The following ALDH1L1 variants were observed in gnomAD, a reference collection of about 807,000 sequenced individuals.
ALDH1L1 encodes aldehyde dehydrogenase 1 family member L1, also known as cytosolic 10-formyltetrahydrofolate dehydrogenase.
A neutral mutation model predicts 101.1 loss-of-function variants in ALDH1L1; 68 were observed. That is an observed-to-expected ratio of 0.67 (90% CI 0.55 to 0.82). The LOEUF (loss-of-function observed/expected upper bound fraction) is 0.82. Among genes scored for constraint, ALDH1L1 ranks in the 40% least tolerant of loss-of-function variants. The pLI is 0.00. For synonymous variants in ALDH1L1, 486 were observed against 470.8 expected (o/e 1.03, Z -0.42); for missense variants, 1,087 against 1,172.7 (o/e 0.93, Z 1.07).
Position 126,154,609 on chromosome 3 carries a change from T to C in ALDH1L1, c.665A>G (p.Asn222Ser), listed in dbSNP as rs1431020576. 6.2e-7 allele frequency: 1 copy of C among 1,614,042 alleles called. No homozygotes were observed. Among genetic ancestry groups the C allele is most frequent in the Non-Finnish European group, 8.5e-7 (1 of 1,180,034 alleles). The change falls in exon 6 of 23, where the codon AAC (asparagine) becomes AGC (serine). Residue 222 changes from asparagine to serine, a missense_variant. By Grantham distance (46) the Asn-to-Ser change is conservative. Around this residue, in one of 2 missense-constraint regions of ALDH1L1, gnomAD observed 645 missense variants for 637.0 expected, o/e 1.01. Coordinates refer to ENST00000393434, the MANE Select transcript of ALDH1L1 (RefSeq NM_012190.4). Reference protein sequence around the residue: ...NWDQPAEAIHNWIRGNDKVPG... With the variant: ...NWDQPAEAIHSWIRGNDKVPG... ...CACCTTGTCGTTCCCGCGGATCCAG[T>C]TGTGAATGGCCTCTGCCGGCTGGTC... is the stretch of plus-strand genomic sequence containing the variant.
chr3:126,153,935 G>T (rs980588867), intron 6 of ALDH1L1, among the ~76,000 whole-genome samples: 3 of 152,246 alleles, frequency 2.0e-5, no homozygotes, highest in Admixed American at 6.5e-5. Flanking sequence ...AGGAGTGGTT[G>T]CTTTGATCAG....
chr3:126,181,029 C>T, upstream of ALDH1L1: 1 of 1,590,626 alleles, frequency 6.3e-7, no homozygotes, highest in Non-Finnish European at 8.5e-7. Flanking sequence ...CAGCCGCTTG[C>T]AGAGGCGGCC....
intron 1 of ALDH1L1, among the ~76,000 whole-genome samples, chr3:126,189,378 C>T (rs1460502705): frequency 6.6e-6 from 1 of 152,186 alleles, no homozygotes; most frequent in Admixed American, 6.5e-5. Context: ...TCATATCTAA[C>T]ATGTCATCTG....
intron 19 of ALDH1L1, 65 bp downstream of exon 19, chr3:126,112,717 C>A: frequency 1.4e-6 from 2 of 1,481,454 alleles, no homozygotes; most frequent in Non-Finnish European, 1.8e-6. Flanking sequence ...CTCCTCCAAC[C>A]CCCTCCAGCC....
intron 21 of ALDH1L1, 107 bp from the exon 22 acceptor site, chr3:126,106,032 G>A (rs1945857586): frequency 1.7e-6 from 2 of 1,183,464 alleles, no homozygotes; most frequent in Non-Finnish European, 2.4e-6. Flanking sequence ...GACCTTCCGA[G>A]GAGAAAATGT....
At chr3:126,110,182 G>C in intron 19 of ALDH1L1, 73 bp from the exon 20 acceptor site, 1 of 1,571,668 alleles carries the variant, frequency 6.4e-7, no homozygotes. Flanking sequence ...ACCTGACTCA[G>C]CTCTCATGGC....
Position 126,124,110 on chromosome 3 carries a change from G to GACACACACAC in ALDH1L1, c.1888+244_1888+253dup, listed in dbSNP as rs3841921. ...TAACAAGTTTATTCCAGGGCGCGCG[G>GACACACACAC]ACACACACACACACACACACACACA... On this transcript the variant is annotated intron_variant, in intron 16 of 22. Transcript: ENST00000393434. Among the ~76,000 whole-genome samples, 435 of 148,880 alleles carry GACACACACAC rather than the reference G, an allele frequency of 2.9e-3. 3 individuals carry two copies. The highest frequency in any genetic ancestry group is 9.3e-3 in the African/African-American group (382 of 41,062).
chr3:126,132,754 C>G (rs1180874713), intron 12 of ALDH1L1, among the ~76,000 whole-genome samples: 9 of 152,120 alleles, frequency 5.9e-5, no homozygotes, highest in Admixed American at 5.2e-4. Flanking sequence ...TCCCCCACCA[C>G]TACAGTTTGT....
At chr3:126,180,421 G>A (rs775705438) in intron 1 of ALDH1L1, 55 bp downstream of exon 1, 15 of 986,096 alleles carry the variant, frequency 1.5e-5, no homozygotes, top group African/African-American at 1.7e-5. Flanking sequence ...AGCTGCAGCC[G>A]GGGCAGCCTC....
chr3:126,196,195 G>C (rs2081581071), intron 1 of ALDH1L1, among the ~76,000 whole-genome samples: 1 of 152,164 alleles, frequency 6.6e-6, no homozygotes, highest in Non-Finnish European at 1.5e-5. Context: ...TGGAAGGACA[G>C]GGCCAGGAAA....
At chr3:126,172,184 T>C (rs1388732448) in intron 1 of ALDH1L1, among the ~76,000 whole-genome samples, 1 of 152,064 alleles carries the variant, frequency 6.6e-6, no homozygotes, top group Non-Finnish European at 1.5e-5. Context: ...TGCAAAACAA[T>C]TACAAGATAT....
At chr3:126,159,562 G>A (rs539892345) in intron 2 of ALDH1L1, 4 of 456,028 alleles carry the variant, frequency 8.8e-6, no homozygotes, top group Admixed American at 4.7e-5. Flanking sequence ...ACTCTGTCCT[G>A]GTGTCTGGTA....
At chr3:126,173,225 C>T (rs2081314053) in intron 1 of ALDH1L1, among the ~76,000 whole-genome samples, 4 of 151,746 alleles carry the variant, frequency 2.6e-5, no homozygotes, top group South Asian at 4.2e-4. Context: ...ACAATTTGTT[C>T]AAAATAATAA....
At chr3:126,123,635 CAA>C (rs10652286) in intron 16 of ALDH1L1, among the ~76,000 whole-genome samples, 5 of 128,864 alleles carry the variant, frequency 3.9e-5, no homozygotes, top group South Asian at 2.6e-4. Context: ...CAAAAAGCTG[CAA>C]AAAAAAAAAA....
upstream of ALDH1L1, chr3:126,180,694 A>G (rs1167235869): frequency 4.3e-6 from 6 of 1,380,794 alleles, no homozygotes; most frequent in Non-Finnish European, 5.6e-6. Flanking sequence ...TGGTGGGACT[A>G]TGGCGGGAGC....
chr3:126,113,230 C>T (rs1039236425), intron 18 of ALDH1L1, among the ~76,000 whole-genome samples: 1 of 152,300 alleles, frequency 6.6e-6, no homozygotes, highest in African/African-American at 2.4e-5. Flanking sequence ...ACTGGGGCGG[C>T]CCAGGAGGTG....
chr3:126,118,118 G>T lies in ALDH1L1; in HGVS notation c.1889-20C>A. Reference sequence around the variant, plus strand: ...GGGAGCCTGTGGGCGGGAGGGAGGGGGGAATCAGAGTGGTCCCCCTGGTGC... The same window carrying T: ...GGGAGCCTGTGGGCGGGAGGGAGGGTGGAATCAGAGTGGTCCCCCTGGTGC... On this transcript the variant is annotated intron_variant, in intron 16 of 22. Transcript: ENST00000393434. 6.3e-7 allele frequency: 1 copy of T among 1,595,168 alleles called. No homozygotes were observed. Among genetic ancestry groups the T allele is most frequent in the South Asian group, 1.1e-5 (1 of 89,606 alleles).
intron 8 of ALDH1L1, 128 bp downstream of exon 8, chr3:126,150,278 G>A (rs113284455): frequency 0.012 from 16,685 of 1,411,034 alleles, 132 homozygotes; most frequent in Non-Finnish European, 0.014. Flanking sequence ...AACCAACACT[G>A]CACCTGGAGC....
rs751361255 is a variant in ALDH1L1, at chr3:126,158,647, A to G, written c.128-8T>C. 6.2e-7 allele frequency: 1 copy of G among 1,607,000 alleles called. No homozygotes were observed. Among genetic ancestry groups the G allele is most frequent in the South Asian group, 1.1e-5 (1 of 90,982 alleles). On this transcript the variant is annotated splice_region_variant and splice_polypyrimidine_tract_variant and intron_variant, in intron 2 of 22. Coordinates refer to ENST00000393434, the MANE Select transcript of ALDH1L1 (RefSeq NM_012190.4). Reference sequence around the variant, plus strand: ...CCTTCTCAGCTTCCAGACCTGTGGGACGGTGGATAAGAAACTGGCCCCTCT... The same window carrying G: ...CCTTCTCAGCTTCCAGACCTGTGGGGCGGTGGATAAGAAACTGGCCCCTCT...
Sources: allele counts gnomAD v4.1 joint callset (sites outside exome capture counted in the v4.1 genomes callset), GRCh38; gene constraint gnomAD v4.1.1; regional missense constraint gnomAD v4.1.1; transcripts MANE v1.5; gene names NCBI Gene and HGNC (gene_info 2026-07-23, HGNC 2026-07-21).